MAF: variants seen among roughly 807,000 people sequenced by gnomAD.
MAF encodes the protein transcription factor Maf.
In MAF, 10 loss-of-function variants were observed where a neutral mutation model predicts 22.0. That is an observed-to-expected ratio of 0.45 (90% CI 0.28 to 0.77). MAF has a LOEUF of 0.77. Among genes scored for constraint, MAF ranks in the 30% least tolerant of loss-of-function variants. MAF has a pLI of 0.12. For synonymous variants in MAF, 337 were observed against 255.8 expected (o/e 1.32, Z -3.03); for missense variants, 544 against 548.4 (o/e 0.99, Z 0.08).
At chr16:79,379,047 G>T in the MAF span, among the ~76,000 whole-genome samples, 1 of 152,138 alleles carries the variant, frequency 6.6e-6, no homozygotes, top group Non-Finnish European at 1.5e-5. Context: ...TTTTCTCTTT[G>T]CCAGGAGGCA....
chr16:79,495,866 G>T, the MAF span, among the ~76,000 whole-genome samples: 3 of 152,074 alleles, frequency 2.0e-5, no homozygotes, highest in African/African-American at 7.2e-5. Context: ...CATGGACACG[G>T]GAAGGAACAA....
downstream of MAF, among the ~76,000 whole-genome samples, chr16:79,583,213 G>A (rs1172786151): frequency 3.3e-5 from 5 of 152,180 alleles, no homozygotes; most frequent in African/African-American, 1.2e-4. Flanking sequence ...AGATTTCTGA[G>A]TACTTTTTAC....
At chr16:79,338,660 G>A in the MAF span, among the ~76,000 whole-genome samples, 1 of 152,158 alleles carries the variant, frequency 6.6e-6, no homozygotes, top group Non-Finnish European at 1.5e-5. Flanking sequence ...AAAAAAATGG[G>A]AGAGAGATGG....
chr16:79,223,578 G>T, the MAF span, among the ~76,000 whole-genome samples: 69 of 151,982 alleles, frequency 4.5e-4, no homozygotes, highest in Non-Finnish European at 7.2e-4. Context: ...CCAGAAACTG[G>T]TTTTTTTGCA....
the MAF span, among the ~76,000 whole-genome samples, chr16:79,313,503 C>T: frequency 6.6e-6 from 1 of 152,192 alleles, no homozygotes; most frequent in Non-Finnish European, 1.5e-5. Context: ...CTGTTCCCAT[C>T]ACCCAAAGAG....
the MAF span, among the ~76,000 whole-genome samples, chr16:79,384,618 G>A: frequency 6.6e-5 from 10 of 151,916 alleles, no homozygotes; most frequent in African/African-American, 2.4e-5. Flanking sequence ...TTAGCTGGGT[G>A]TGGTGGCGGG....
the MAF span, among the ~76,000 whole-genome samples, chr16:79,390,133 C>T: frequency 2.9e-4 from 44 of 151,896 alleles, no homozygotes; most frequent in Admixed American, 3.3e-4. Flanking sequence ...AAGTGTATTC[C>T]CAAGTCTGGG....
At chr16:79,275,222 G>C in the MAF span, among the ~76,000 whole-genome samples, 4 of 152,116 alleles carry the variant, frequency 2.6e-5, no homozygotes, top group African/African-American at 9.7e-5. Context: ...TGGGTGTGGT[G>C]GTGCACGCTT....
the MAF span, among the ~76,000 whole-genome samples, chr16:79,269,442 C>T: frequency 6.9e-4 from 105 of 152,158 alleles, no homozygotes; most frequent in African/African-American, 2.4e-3. Context: ...TTCTCTCTGG[C>T]GAATGGAGGT....
chr16:79,371,202 C>T, the MAF span, among the ~76,000 whole-genome samples: 1 of 151,874 alleles, frequency 6.6e-6, no homozygotes, highest in Non-Finnish European at 1.5e-5. Context: ...ACTGTTGCCT[C>T]TTCAACATAG....
At chr16:79,390,536 T>C in the MAF span, among the ~76,000 whole-genome samples, 1 of 152,204 alleles carries the variant, frequency 6.6e-6, no homozygotes. Context: ...GTTATCTTTT[T>C]ACAACTGCTA....
chr16:79,207,990 C>A, the MAF span, among the ~76,000 whole-genome samples: 1 of 152,128 alleles, frequency 6.6e-6, no homozygotes, highest in Admixed American at 6.5e-5. Flanking sequence ...GATCTGAGGG[C>A]CTCAACTATA....
At chr16:79,475,610 A>G in the MAF span, among the ~76,000 whole-genome samples, 1 of 152,192 alleles carries the variant, frequency 6.6e-6, no homozygotes, top group Non-Finnish European at 1.5e-5. Flanking sequence ...ATGGAGATGG[A>G]AATATTTTAA....
At chr16:79,528,298 G>A in the MAF span, among the ~76,000 whole-genome samples, 1 of 152,216 alleles carries the variant, frequency 6.6e-6, no homozygotes, top group Admixed American at 6.5e-5. Flanking sequence ...AGTAGCAATG[G>A]TATGATGTTC....
chr16:79,503,387 G>C, the MAF span, among the ~76,000 whole-genome samples: 3 of 152,106 alleles, frequency 2.0e-5, no homozygotes, highest in African/African-American at 7.2e-5. Context: ...CATTTTCTAA[G>C]AGCTTTATAA....
At chr16:79,564,571 C>T in the MAF span, among the ~76,000 whole-genome samples, 2 of 152,234 alleles carry the variant, frequency 1.3e-5, no homozygotes, top group African/African-American at 2.4e-5. Context: ...AGTACTGTCA[C>T]CCACAGCGCC....
the MAF span, among the ~76,000 whole-genome samples, chr16:79,406,737 A>G: frequency 6.6e-6 from 1 of 151,996 alleles, no homozygotes; most frequent in African/African-American, 2.4e-5. Flanking sequence ...GTTTCCTATG[A>G]CCCCAAAGCC....
the MAF span, among the ~76,000 whole-genome samples, chr16:79,247,480 G>C: frequency 6.6e-6 from 1 of 152,180 alleles, no homozygotes; most frequent in Non-Finnish European, 1.5e-5. Context: ...AATCCAGCCT[G>C]ATTCAGTAAC....
intron 1 of MAF, chr16:79,597,625 A>C (rs1913611751): frequency 2.9e-6 from 3 of 1,022,162 alleles, no homozygotes; most frequent in Admixed American, 5.8e-5. Flanking sequence ...GCAGATGCAA[A>C]ATTTCATGGG....
Sources: allele counts gnomAD v4.1 joint callset (sites outside exome capture counted in the v4.1 genomes callset), GRCh38; gene constraint gnomAD v4.1.1; transcripts MANE v1.5; gene names NCBI Gene and HGNC (gene_info 2026-07-23, HGNC 2026-07-21).